The following PALM2AKAP2 variants were observed in gnomAD, a reference collection of about 807,000 sequenced individuals.
PALM2AKAP2 encodes the protein PALM2 and AKAP2 fusion, also known as PALM2-AKAP2 fusion protein.
In PALM2AKAP2, 37 loss-of-function variants were observed where a neutral mutation model predicts 71.5. The ratio of observed to expected loss-of-function variants is 0.52; its 90% CI spans 0.40 to 0.68. The LOEUF (loss-of-function observed/expected upper bound fraction) is 0.68, where lower values mean the gene tolerates loss of function less well. PALM2AKAP2 is among the 30% of genes least tolerant of loss of function. The pLI is 0.00. For synonymous variants in PALM2AKAP2, 468 were observed against 478.8 expected (o/e 0.98, Z 0.29); for missense variants, 1,224 against 1,191.8 (o/e 1.03, Z -0.40).
intron 6 of PALM2AKAP2, among the ~76,000 whole-genome samples, chr9:109,997,278 T>A (rs969776221): frequency 1.3e-5 from 2 of 152,212 alleles, no homozygotes; most frequent in Non-Finnish European, 2.9e-5. Flanking sequence ...ATTTTAACTT[T>A]TGCAAGCCTG....
At chr9:109,932,549 G>A (rs1831130061) in intron 6 of PALM2AKAP2, among the ~76,000 whole-genome samples, 1 of 152,204 alleles carries the variant, frequency 6.6e-6, no homozygotes, top group Admixed American at 6.5e-5. Flanking sequence ...AGGAAAAGAA[G>A]CAATTTAAAG....
At chr9:109,640,969 G>T in intron 1 of PALM2AKAP2, 1 of 1,401,366 alleles carries the variant, frequency 7.1e-7, no homozygotes, top group Non-Finnish European at 9.3e-7. Context: ...TCCAGGATGG[G>T]TGTTTAATTT....
chr9:109,774,679 C>A (rs1829324342), intron 1 of PALM2AKAP2, among the ~76,000 whole-genome samples: 2 of 151,514 alleles, frequency 1.3e-5, no homozygotes, highest in South Asian at 2.1e-4. Flanking sequence ...AAAAAAAAGC[C>A]TACATAAAAG....
At chr9:109,641,016 C>T in intron 1 of PALM2AKAP2, 1 of 1,231,188 alleles carries the variant, frequency 8.1e-7, no homozygotes, top group Admixed American at 3.7e-5. Flanking sequence ...CTATAGCAGC[C>T]GCCGCGGCGG....
At chr9:109,914,847 T>C (rs1424174534) in intron 3 of PALM2AKAP2, among the ~76,000 whole-genome samples, 5 of 152,200 alleles carry the variant, frequency 3.3e-5, no homozygotes, top group African/African-American at 9.6e-5. Context: ...TGCGTAAGCC[T>C]TTTTCAGAAG....
At chr9:110,142,068 C>CTTTTTTTTTTTTTTTTTTTTTTTTT (rs994621645) in intron 2 of PALM2AKAP2, among the ~76,000 whole-genome samples, 1 of 121,842 alleles carries the variant, frequency 8.2e-6, no homozygotes, top group African/African-American at 3.0e-5. Flanking sequence ...TCTTATTTTA[C>CTTTTTTTTTTTTTTTTTTTTTTTTT]TTTTTTTTTT....
At chr9:109,797,226 G>A (rs1176459701) in intron 1 of PALM2AKAP2, among the ~76,000 whole-genome samples, 1 of 152,096 alleles carries the variant, frequency 6.6e-6, no homozygotes, top group Admixed American at 6.6e-5. Flanking sequence ...TTCTCACTCC[G>A]CTTAGCATGG....
chr9:109,859,714 GAATA>G (rs1829261927), intron 1 of PALM2AKAP2, among the ~76,000 whole-genome samples: 1 of 152,202 alleles, frequency 6.6e-6, no homozygotes, highest in Non-Finnish European at 1.5e-5. Context: ...AAGGGATGAG[GAATA>G]AATAGAGTTG....
At chr9:109,910,416 C>T (rs1023355264) in intron 3 of PALM2AKAP2, among the ~76,000 whole-genome samples, 27 of 152,116 alleles carry the variant, frequency 1.8e-4, no homozygotes, top group Admixed American at 2.6e-4. Flanking sequence ...TAAGCATGTT[C>T]GGTAGGAATT....
chr9:109,883,408 G>T (rs1347984100), intron 3 of PALM2AKAP2, among the ~76,000 whole-genome samples: 1 of 152,116 alleles, frequency 6.6e-6, no homozygotes, highest in African/African-American at 2.4e-5. Flanking sequence ...GGCCAAATGG[G>T]CACTGGATGT....
At chr9:109,709,235 T>A (rs957747413) in intron 1 of PALM2AKAP2, among the ~76,000 whole-genome samples, 18 of 152,236 alleles carry the variant, frequency 1.2e-4, no homozygotes, top group African/African-American at 4.3e-4. Flanking sequence ...CTTTGGGACC[T>A]GACTGTGACA....
At chr9:109,691,866 A>ATG (rs1827894820) in intron 1 of PALM2AKAP2, among the ~76,000 whole-genome samples, 1 of 39,372 alleles carries the variant, frequency 2.5e-5, no homozygotes, top group African/African-American at 9.4e-5. Context: ...ATATATATAT[A>ATG]TACACACACA....
At chr9:109,748,004 G>A (rs1409751149) in intron 1 of PALM2AKAP2, among the ~76,000 whole-genome samples, 1 of 152,176 alleles carries the variant, frequency 6.6e-6, no homozygotes, top group Non-Finnish European at 1.5e-5. Context: ...GATTACAAAT[G>A]ACTCTATCAA....
chr9:109,841,926 G>A (rs1008147401), intron 1 of PALM2AKAP2, among the ~76,000 whole-genome samples: 2 of 115,294 alleles, frequency 1.7e-5, no homozygotes, highest in Non-Finnish European at 3.6e-5. Context: ...GGGTGGAAGG[G>A]TAGAGGGGAG....
At chr9:109,990,041 G>A (rs955903972) in intron 6 of PALM2AKAP2, among the ~76,000 whole-genome samples, 3 of 150,844 alleles carry the variant, frequency 2.0e-5, no homozygotes, top group Admixed American at 6.6e-5. Flanking sequence ...CACTGTTTAA[G>A]TCACTGTTTT....
In PALM2AKAP2 at chr9:110,014,800, AAAAATGTATATAT is replaced by A. The variant is rs1419505779; in HGVS notation, c.497-1152_497-1140del. 7.3e-3 allele frequency among the ~76,000 whole-genome samples: 378 copies of A among 51,672 alleles called. 25 individuals are homozygous for A. The highest frequency in any genetic ancestry group is 0.021 in the African/African-American group (287 of 13,682). The allele number at this position is 51,672 out of a possible 152,430, so 33.9% of individuals were successfully genotyped here. A position where few individuals can be genotyped will look rare whatever the true frequency, so the allele number is the denominator to read the frequency against. ...GTCTCAAAAAAAAAAAAAAAAAAAA[AAAAATGTATATAT>A]ATATATATATATATATATATATATA... is the stretch of plus-strand genomic sequence containing the variant. On this transcript the variant is annotated intron_variant, in intron 6 of 9. Coordinates refer to the PALM2AKAP2 transcript ENST00000302798.
At chr9:109,653,155 C>T (rs1395177707) in intron 1 of PALM2AKAP2, among the ~76,000 whole-genome samples, 1 of 152,136 alleles carries the variant, frequency 6.6e-6, no homozygotes, top group African/African-American at 2.4e-5. Flanking sequence ...GGTGAGGCAG[C>T]ATTGTGGAGA....
chr9:109,818,921 C>T (rs1044933397), intron 1 of PALM2AKAP2, among the ~76,000 whole-genome samples: 4 of 152,114 alleles, frequency 2.6e-5, no homozygotes, highest in African/African-American at 9.7e-5. Flanking sequence ...CATCCAGTTG[C>T]CATAGAAATG....
intron 1 of PALM2AKAP2, among the ~76,000 whole-genome samples, chr9:110,121,159 G>A (rs568981401): frequency 1.3e-5 from 2 of 152,244 alleles, no homozygotes; most frequent in South Asian, 4.1e-4. Context: ...ATAAATTAAG[G>A]GCTAAGTGTG....
Sources: allele counts gnomAD v4.1 joint callset (sites outside exome capture counted in the v4.1 genomes callset), GRCh38; gene constraint gnomAD v4.1.1; transcripts MANE v1.5; gene names NCBI Gene and HGNC (gene_info 2026-07-23, HGNC 2026-07-21).